The following LONRF2 variants were observed in gnomAD, a reference collection of about 807,000 sequenced individuals.
LONRF2 encodes the protein LON peptidase N-terminal domain and ring finger 2, also known as LON peptidase N-terminal domain and RING finger protein 2.
Under a neutral mutation model 66.6 loss-of-function variants are expected in LONRF2, and 35 were observed. That is an observed-to-expected ratio of 0.53 (90% CI 0.40 to 0.70). The LOEUF (loss-of-function observed/expected upper bound fraction) is 0.70, where lower values mean the gene tolerates loss of function less well. Ranked by LOEUF, LONRF2 falls within the 30% of genes least tolerant of loss-of-function variation. The pLI, the probability that LONRF2 is intolerant of heterozygous loss-of-function variation, is 0.00. For synonymous variants in LONRF2, 417 were observed against 418.1 expected (o/e 1.00, Z 0.03); for missense variants, 902 against 1,002.1 (o/e 0.90, Z 1.35).
In LONRF2 at chr2:100,287,043, T is replaced by C. The variant is rs770370610; in HGVS notation, c.1941A>G (p.Glu647=). Residue 647 remains glutamate (E), a synonymous_variant, in exon 11 of 12, where the codon GAA becomes GAG. Coordinates refer to ENST00000393437, the MANE Select transcript of LONRF2 (RefSeq NM_198461.4). ...EDEKVEGPEY[E]ELAALHDSVH... The stretch of plus-strand genomic sequence containing the variant: ...CAGAATCGTGGAGAGCGGCAAGTTC[T>C]TCATACTCTGGACCCTCCACCTGAT... The C allele has an allele frequency of 5.6e-6, 9 of 1,614,072 alleles. No homozygotes were observed. The Admixed American group carries it at 1.5e-4, about 27-fold the overall frequency.
intron 9 of LONRF2, 98 bp downstream of exon 9, chr2:100,294,131 T>C (rs1355591058): frequency 1.3e-5 from 19 of 1,420,374 alleles, no homozygotes; most frequent in African/African-American, 7.2e-5. Flanking sequence ...CGGGAGCCAC[T>C]GGAGGTTTTC....
intron 7 of LONRF2, among the ~76,000 whole-genome samples, chr2:100,296,264 G>A (rs185525399): frequency 1.3e-5 from 2 of 152,242 alleles, no homozygotes; most frequent in Admixed American, 1.3e-4. Context: ...TTTATTGCAG[G>A]CATGTATACT....
chr2:100,303,112 C>T lies in LONRF2; in HGVS notation c.799-69G>A, dbSNP rs1360499523. On this transcript the variant is annotated intron_variant, in intron 2 of 11. Transcript: ENST00000393437. ...TGATTATATACTTGAATACAAACTTCCCTGAACAAATTTATTAGAACAATT... is the reference window on the plus strand; with the variant it reads ...TGATTATATACTTGAATACAAACTTTCCTGAACAAATTTATTAGAACAATT... 1.2e-5 allele frequency: 17 copies of T among 1,388,528 alleles called. No individual in the cohort carries two copies. In the East Asian group the frequency reaches 3.4e-4, roughly 28 times the overall value. 86.0% of individuals were successfully genotyped at this position (1,388,528 alleles called of 1,614,324 possible). A position where few individuals can be genotyped will look rare whatever the true frequency, so the allele number is the denominator to read the frequency against.
In LONRF2 at chr2:100,284,229, C is replaced by T. The variant is rs76883555; in HGVS notation, c.*69G>A. 1,021 of 1,360,678 alleles carry T rather than the reference C, an allele frequency of 7.5e-4. 15 individuals carry two copies. The East Asian group carries it at 0.024, about 32-fold the overall frequency. 84.3% of individuals were successfully genotyped at this position (1,360,678 alleles called of 1,614,324 possible). On this transcript the variant is annotated 3_prime_UTR_variant, in exon 12 of 12. Transcript: ENST00000393437. Reference sequence around the variant, plus strand: ...CACTTGATGAAGCACAATGAATGGACGGCTATTCGTCCATGCCTGACATTT... The same window carrying T: ...CACTTGATGAAGCACAATGAATGGATGGCTATTCGTCCATGCCTGACATTT...
At chr2:100,294,878 A>T (rs1318930499) in intron 8 of LONRF2, among the ~76,000 whole-genome samples, 1 of 152,158 alleles carries the variant, frequency 6.6e-6, no homozygotes, top group East Asian at 1.9e-4. Flanking sequence ...CTTTGCAGAC[A>T]TTACATTAAA....
intron 1 of LONRF2, among the ~76,000 whole-genome samples, chr2:100,310,081 A>C (rs1675379594): frequency 6.6e-6 from 1 of 152,222 alleles, no homozygotes. Context: ...CTTTCTCTGC[A>C]TTCCTCAACA....
Position 100,284,651 on chromosome 2 carries a change from GT to G in LONRF2, c.2071-160del, listed in dbSNP as rs141676478. Among the ~76,000 whole-genome samples the G allele has an allele frequency of 6.7e-3, 1,026 of 152,324 alleles. 13 individuals are homozygous for G. The highest frequency in any genetic ancestry group is 0.023 in the African/African-American group (940 of 41,564). On this transcript the variant is annotated intron_variant, in intron 11 of 11. Coordinates refer to ENST00000393437, the MANE Select transcript of LONRF2 (RefSeq NM_198461.4). The stretch of plus-strand genomic sequence containing the variant: ...ATTCATTCAGCTCTCAAAATACATA[GT>G]TTACTTTTATGGTACACATTTAAAG...
intron 8 of LONRF2, 28 bp from the exon 9 acceptor site, chr2:100,294,415 A>C: frequency 1.3e-6 from 2 of 1,530,896 alleles, no homozygotes; most frequent in Non-Finnish European, 1.7e-6. Flanking sequence ...ATGTTATCTC[A>C]GATGTATGAG....
Position 100,281,250 on chromosome 2 carries a change from A to G in LONRF2, c.*3048T>C, listed in dbSNP as rs1674711684. 6.6e-6 allele frequency: 1 copy of G among 151,284 alleles called. No homozygotes were observed. Among genetic ancestry groups the G allele is most frequent in the Admixed American group, 6.6e-5 (1 of 15,090 alleles). 9.4% of individuals were successfully genotyped at this position (151,284 alleles called of 1,614,324 possible). On this transcript the variant is annotated 3_prime_UTR_variant, in exon 12 of 12. Coordinates refer to ENST00000393437, the MANE Select transcript of LONRF2 (RefSeq NM_198461.4). ...GACTTAACATATATTAAGAGTTGAG[A>G]TACAATTTGTTAAACAGTCTTGGTG...
Position 100,300,756 on chromosome 2 carries a change from G to T in LONRF2, c.953C>A (p.Ala318Glu). Residue 318 changes from alanine (A) to glutamate (E), a missense_variant, in exon 4 of 12, where the codon GCA becomes GAA. This residue lies in a region of LONRF2 where 585 missense variants were observed against 569.9 expected (regional missense o/e 1.03). Coordinates refer to ENST00000393437, the MANE Select transcript of LONRF2 (RefSeq NM_198461.4). ...AGATGTTAAATTTTCATGCACATTT[G>T]CTGTAGCTGAAAACAGCACTTCACA... The part of the protein sequence containing the change: ...VMCEVLFSAT[A>E]NVHENLTSSI... 6.2e-7 allele frequency: 1 copy of T among 1,612,022 alleles called. No homozygotes were observed. Among genetic ancestry groups the T allele is most frequent in the Non-Finnish European group, 8.5e-7 (1 of 1,179,346 alleles).
intron 11 of LONRF2, among the ~76,000 whole-genome samples, chr2:100,285,760 C>A (rs959360327): frequency 6.6e-6 from 1 of 152,134 alleles, no homozygotes; most frequent in African/African-American, 2.4e-5. Flanking sequence ...AACAGACTCT[C>A]CCCCACAACC....
intron 2 of LONRF2, among the ~76,000 whole-genome samples, chr2:100,307,179 G>C (rs10170109): frequency 0.51 from 77,270 of 151,888 alleles, 20,010 homozygotes; most frequent in East Asian, 0.76. Flanking sequence ...CTCGGCCTCC[G>C]AAAGTGCTGG....
At position 100,283,956 on chromosome 2, in the gene LONRF2, G is replaced by T. The variant is rs771730714; in HGVS notation, c.*342C>A. ...GGCAGAGCCAGATGCTGACTGGGAA[G>T]TGAATCCTTCTTTCTCGTGAAACCC... On this transcript the variant is annotated 3_prime_UTR_variant, in exon 12 of 12. Coordinates refer to ENST00000393437, the MANE Select transcript of LONRF2 (RefSeq NM_198461.4). The T allele has an allele frequency of 1.5e-4, 27 of 177,284 alleles. No homozygotes were observed. Among genetic ancestry groups the T allele is most frequent in the Non-Finnish European group, 2.8e-4 (24 of 84,724 alleles). The allele number at this position is 177,284 out of a possible 1,614,324, so 11.0% of individuals were successfully genotyped here.
chr2:100,308,991 T>C lies in LONRF2; in HGVS notation c.798+116A>G. Reference sequence around the variant, plus strand: ...GATTGCTAAACGTAGGCTACAGTAATGTGAGGGAAACATACTTTGTCTATA... The same window carrying C: ...GATTGCTAAACGTAGGCTACAGTAACGTGAGGGAAACATACTTTGTCTATA... On this transcript the variant is annotated intron_variant, in intron 2 of 11. Coordinates refer to ENST00000393437, the MANE Select transcript of LONRF2 (RefSeq NM_198461.4). 4.6e-6 allele frequency: 3 copies of C among 648,562 alleles called. 1 individual carries two copies. The highest frequency in any genetic ancestry group is 5.2e-6 in the Non-Finnish European group (2 of 381,446). 40.2% of individuals were successfully genotyped at this position (648,562 alleles called of 1,614,324 possible).
Position 100,275,881 on chromosome 2 carries a change from A to C in LONRF2, c.*8417T>G, listed in dbSNP as rs1674590732. On this transcript the variant is annotated 3_prime_UTR_variant, in exon 12 of 12. Transcript: ENST00000393437. ...CTAGGTACAAGGGAAAAAACATTAA[A>C]GGTAACTAAATAGACTGTGTATTTA... 1 of 152,248 alleles carries C rather than the reference A, an allele frequency of 6.6e-6. No individual in the cohort carries two copies. The highest frequency in any genetic ancestry group is 6.5e-5 in the Admixed American group (1 of 15,290). The allele number at this position is 152,248 out of a possible 1,614,324, so 9.4% of individuals were successfully genotyped here.
At chr2:100,316,806 C>T (rs908326998) in intron 1 of LONRF2, among the ~76,000 whole-genome samples, 3 of 152,062 alleles carry the variant, frequency 2.0e-5, no homozygotes, top group Non-Finnish European at 4.4e-5. Flanking sequence ...CAATTATTTC[C>T]CCTTTTGCTT....
rs1419691577 is a variant in LONRF2, at chr2:100,276,511, G to A, written c.*7787C>T. ...CAGTTATAAACTAGCTTGATAAAATGATGCCCCATGGACCTCCAGTTAAAA... is the reference window on the plus strand; with the variant it reads ...CAGTTATAAACTAGCTTGATAAAATAATGCCCCATGGACCTCCAGTTAAAA... On this transcript the variant is annotated 3_prime_UTR_variant, in exon 12 of 12. Coordinates refer to ENST00000393437, the MANE Select transcript of LONRF2 (RefSeq NM_198461.4). 2 of 152,136 alleles carry A rather than the reference G, an allele frequency of 1.3e-5. No individual in the cohort carries two copies. Among genetic ancestry groups the A allele is most frequent in the Non-Finnish European group, 2.9e-5 (2 of 68,042 alleles). 9.4% of individuals were successfully genotyped at this position (152,136 alleles called of 1,614,324 possible). A position where few individuals can be genotyped will look rare whatever the true frequency, so the allele number is the denominator to read the frequency against.
chr2:100,309,316 T>C, intron 1 of LONRF2, 91 bp from the exon 2 acceptor site: 2 of 679,836 alleles, frequency 2.9e-6, no homozygotes, highest in Non-Finnish European at 4.9e-6. Context: ...AGTGTATATA[T>C]ACATATGTAT....
At chr2:100,288,334 T>A (rs1043954656) in intron 10 of LONRF2, among the ~76,000 whole-genome samples, 1 of 152,208 alleles carries the variant, frequency 6.6e-6, no homozygotes, top group African/African-American at 2.4e-5. Flanking sequence ...AAATCCTAAG[T>A]GTACACCACT....
Sources: gnomAD v4.1 joint callset for allele counts (sites outside exome capture counted in the v4.1 genomes callset) on GRCh38, gnomAD v4.1.1 for gene constraint, gnomAD v4.1.1 regional missense constraint, MANE v1.5 for transcripts, NCBI Gene and HGNC (gene_info 2026-07-23, HGNC 2026-07-21) for gene names.